The following POU2AF1 variants were observed in gnomAD, a reference collection of about 807,000 sequenced individuals.
POU2AF1 encodes the protein POU class 2 homeobox associating factor 1, also known as POU domain class 2-associating factor 1.
A neutral mutation model predicts 26.3 loss-of-function variants in POU2AF1; 12 were observed. The observed-to-expected ratio is 0.46, with a 90% CI of 0.29 to 0.74. POU2AF1 has a LOEUF of 0.74. Among genes scored for constraint, POU2AF1 ranks in the 30% least tolerant of loss-of-function variants. The pLI, the probability that POU2AF1 is intolerant of heterozygous loss-of-function variation, is 0.09. For missense variants in POU2AF1, 297 were observed against 334.5 expected (o/e 0.89, Z 0.87); for synonymous variants, 175 against 148.0 (o/e 1.18, Z -1.32).
chr11:111,364,867 G>T (rs1718701682), intron 1 of POU2AF1, among the ~76,000 whole-genome samples: 3 of 152,218 alleles, frequency 2.0e-5, no homozygotes, highest in Admixed American at 6.5e-5. Context: ...TTTGATCAAG[G>T]CTTGAATCTG....
At chr11:111,358,946 A>G in intron 1 of POU2AF1, 28 bp from the exon 2 acceptor site, 1 of 1,584,164 alleles carries the variant, frequency 6.3e-7, no homozygotes, top group Non-Finnish European at 8.5e-7. Flanking sequence ...CCTGGAGCCC[A>G]TGGTCCTTCT....
chr11:111,354,518 C>A lies in POU2AF1; in HGVS notation c.514G>T (p.Ala172Ser). 1 of 1,579,236 alleles carries A rather than the reference C, an allele frequency of 6.3e-7. No homozygotes were observed. The highest frequency in any genetic ancestry group is 8.6e-7 in the Non-Finnish European group (1 of 1,166,242). ...GGCCACGGGAAATAGGTGAGGGGTG[C>A]CTGGTGCTCTGGGCCCTCCAGCGGG... is the stretch of plus-strand genomic sequence containing the variant. ...GPPLEGPEHQ[A>S]PLTYFPWPQP... is the part of the protein sequence containing the mutation. Residue 172 changes from alanine (A) to serine (S), a missense_variant, in exon 5 of 5, where the codon GCA becomes TCA. Physicochemically the swap from Ala to Ser is moderately conservative, Grantham distance 99. Coordinates refer to ENST00000393067, the MANE Select transcript of POU2AF1 (RefSeq NM_006235.3).
At chr11:111,379,115 C>G in intron 1 of POU2AF1, 47 bp downstream of exon 1, 1 of 1,613,334 alleles carries the variant, frequency 6.2e-7, no homozygotes, top group Non-Finnish European at 8.5e-7. Flanking sequence ...ATCGCCCTGC[C>G]CCGCTGGCAC....
intron 1 of POU2AF1, among the ~76,000 whole-genome samples, chr11:111,374,641 G>A (rs750579673): frequency 5.9e-5 from 9 of 152,212 alleles, no homozygotes; most frequent in Non-Finnish European, 1.3e-4. Flanking sequence ...GTTGCAGTGA[G>A]CTGATCTTGC....
chr11:111,357,954 T>A, intron 2 of POU2AF1, 117 bp from the exon 3 acceptor site: 1 of 1,173,264 alleles, frequency 8.5e-7, no homozygotes, highest in Non-Finnish European at 1.2e-6. Flanking sequence ...ATCTCTCTGG[T>A]TAGAACAAAA....
chr11:111,358,408 T>TCACACA (rs1565360762), intron 2 of POU2AF1, among the ~76,000 whole-genome samples: 5 of 55,274 alleles, frequency 9.0e-5, no homozygotes, highest in African/African-American at 3.1e-4. Flanking sequence ...ACACATACTC[T>TCACACA]CTCACACACA....
chr11:111,354,191 C>G lies in POU2AF1; in HGVS notation c.*70G>C, dbSNP rs1860793876. The G allele has an allele frequency of 2.6e-6, 4 of 1,534,064 alleles. No individual in the cohort carries two copies. In the South Asian group the frequency reaches 4.7e-5, roughly 18 times the overall value. On this transcript the variant is annotated 3_prime_UTR_variant, in exon 5 of 5. Transcript: ENST00000393067. Reference sequence around the variant, plus strand: ...AATGACTACTCCAAACAAGCATGAACCTGGGGCTCAATTCCAGGCTCATTT... The same window carrying G: ...AATGACTACTCCAAACAAGCATGAAGCTGGGGCTCAATTCCAGGCTCATTT...
rs1016067735 is a variant in POU2AF1, at chr11:111,374,652, A to G, written c.16+4510T>C. ...AGAGGTTGCAGTGAGCTGATCTTGC[A>G]CCACTACATTGCAGCCTGGGTGACA... is the stretch of plus-strand genomic sequence containing the variant. On this transcript the variant is annotated intron_variant, in intron 1 of 4. Coordinates refer to ENST00000393067, the MANE Select transcript of POU2AF1 (RefSeq NM_006235.3). 5.3e-5 allele frequency among the ~76,000 whole-genome samples: 8 copies of G among 152,336 alleles called. No individual in the cohort carries two copies. The East Asian group carries it at 7.7e-4, about 15-fold the overall frequency.
intron 1 of POU2AF1, among the ~76,000 whole-genome samples, chr11:111,377,544 C>T (rs1234750228): frequency 6.6e-6 from 1 of 152,162 alleles, no homozygotes; most frequent in Non-Finnish European, 1.5e-5. Context: ...AACATGACTT[C>T]GGTGGCACCT....
chr11:111,359,516 C>A (rs1329949076), intron 1 of POU2AF1: 1 of 179,812 alleles, frequency 5.6e-6, no homozygotes, highest in Non-Finnish European at 1.2e-5. Context: ...AAATCCTGCC[C>A]CTGCCACCAC....
At chr11:111,377,721 G>C (rs2135144080) in intron 1 of POU2AF1, 1 of 177,660 alleles carries the variant, frequency 5.6e-6, no homozygotes, top group East Asian at 9.4e-5. Flanking sequence ...TCAGCCCTGA[G>C]TGAAAGGGCA....
rs1860870979 is a variant in POU2AF1 at position 111,357,522 on chromosome 11, C to T, written c.379G>A (p.Val127Met). The T allele has an allele frequency of 1.2e-6, 2 of 1,614,092 alleles. No individual in the cohort carries two copies. The highest frequency in any genetic ancestry group is 1.7e-6 in the Non-Finnish European group (2 of 1,179,998). Reference protein sequence around the residue: ...PYSADMYVQPVCPSYTVVGPS... With the variant: ...PYSADMYVQPMCPSYTVVGPS... Reference sequence around the variant, plus strand: ...CCCACCACCGTGTAGCTGGGGCACACGGGCTGCACATACATGTCAGCTGAG... The same window carrying T: ...CCCACCACCGTGTAGCTGGGGCACATGGGCTGCACATACATGTCAGCTGAG... Residue 127 changes from valine to methionine, a missense_variant, in exon 4 of 5, where the codon GTG (valine) becomes ATG (methionine). Transcript: ENST00000393067.
In POU2AF1 at chr11:111,357,466, C is replaced by T. The variant is rs148549963; in HGVS notation, c.435G>A (p.Pro145=). 3.1e-5 allele frequency: 50 copies of T among 1,614,084 alleles called. 1 individual carries two copies. In the East Asian group the frequency reaches 7.6e-4, roughly 24 times the overall value. The change falls in exon 4 of 5, where the codon CCG becomes CCA. Residue 145 remains proline, a synonymous_variant. Coordinates refer to ENST00000393067, the MANE Select transcript of POU2AF1 (RefSeq NM_006235.3). Reference sequence around the variant, plus strand: ...ATACCGTGACATTGGTGATGAGTGGCGGAGAGGCATAGGTCAACACTGAGG... The same window carrying T: ...ATACCGTGACATTGGTGATGAGTGGTGGAGAGGCATAGGTCAACACTGAGG... ...GPSSVLTYAS[P]PLITNVTTRS...
At chr11:111,358,357 CT>C (rs1772889367) in intron 2 of POU2AF1, among the ~76,000 whole-genome samples, 10 of 93,014 alleles carry the variant, frequency 1.1e-4, no homozygotes, top group East Asian at 2.8e-4. Context: ...CACACTCACA[CT>C]CTCACACACT....
At chr11:111,358,491 T>C (rs1235992693) in intron 2 of POU2AF1, among the ~76,000 whole-genome samples, 10 of 45,276 alleles carry the variant, frequency 2.2e-4, no homozygotes, top group African/African-American at 6.0e-4. Context: ...CACTGACACA[T>C]ACACATTCTC....
At chr11:111,365,542 G>A (rs1317975303) in intron 1 of POU2AF1, among the ~76,000 whole-genome samples, 1 of 152,122 alleles carries the variant, frequency 6.6e-6, no homozygotes, top group African/African-American at 2.4e-5. Context: ...ACCCCACTGA[G>A]AAGAAATACG....
chr11:111,379,168 G>T lies in POU2AF1; in HGVS notation c.10C>A (p.Gln4Lys). ...CCACAGCCAAACCACTTACGTTTTTGCCAGAGCATGGCCTGTGACAGGATG... is the reference window on the plus strand; with the variant it reads ...CCACAGCCAAACCACTTACGTTTTTTCCAGAGCATGGCCTGTGACAGGATG... The part of the protein sequence containing the change: MLW[Q>K]KPTAPEQAPA... The change falls in exon 1 of 5, where the codon CAA becomes AAA. Residue 4 changes from glutamine (Q) to lysine (K), a missense_variant. Transcript: ENST00000393067. The T allele has an allele frequency of 6.2e-7, 1 of 1,614,108 alleles. No individual in the cohort carries two copies. The highest frequency in any genetic ancestry group is 8.5e-7 in the Non-Finnish European group (1 of 1,179,988).
chr11:111,372,061 C>G (rs369153712), intron 1 of POU2AF1, among the ~76,000 whole-genome samples: 96,547 of 143,418 alleles, frequency 0.67, 33,244 homozygotes, highest in Admixed American at 0.78. Context: ...CACACACACA[C>G]ACACACACAG....
In POU2AF1 at chr11:111,379,207, T is replaced by G; in HGVS notation, c.-30A>C. 6.2e-7 allele frequency: 1 copy of G among 1,614,114 alleles called. No homozygotes were observed. Among genetic ancestry groups the G allele is most frequent in the Non-Finnish European group, 8.5e-7 (1 of 1,179,944 alleles). ...TGTGACAGGATGTTGCCTTTTCTCTTTGAAGCCGACAGTTTGGCTTCTTTA... is the reference window on the plus strand; with the variant it reads ...TGTGACAGGATGTTGCCTTTTCTCTGTGAAGCCGACAGTTTGGCTTCTTTA... On this transcript the variant is annotated 5_prime_UTR_variant, in exon 1 of 5. Coordinates refer to ENST00000393067, the MANE Select transcript of POU2AF1 (RefSeq NM_006235.3).
Sources: allele counts gnomAD v4.1 joint callset (sites outside exome capture counted in the v4.1 genomes callset), GRCh38; gene constraint gnomAD v4.1.1; transcripts MANE v1.5; gene names NCBI Gene and HGNC (gene_info 2026-07-23, HGNC 2026-07-21).